Variants in PLXDC2 observed in about 807,000 individuals in gnomAD.
PLXDC2 encodes plexin domain containing 2.
Under a neutral mutation model 68.9 loss-of-function variants are expected in PLXDC2, and 40 were observed. The ratio of observed to expected loss-of-function variants is 0.58; its 90% CI spans 0.45 to 0.76. PLXDC2 has a LOEUF of 0.76. Ranked by LOEUF, PLXDC2 falls within the 30% of genes least tolerant of loss-of-function variation. The probability of loss-of-function intolerance (pLI) is 0.00; values close to 1 mark genes in which losing one functional copy is unlikely to be tolerated. For missense variants in PLXDC2, 644 were observed against 661.9 expected (o/e 0.97, Z 0.30); for synonymous variants, 243 against 234.2 (o/e 1.04, Z -0.34).
intron 9 of PLXDC2, among the ~76,000 whole-genome samples, chr10:20,197,015 TG>T (rs1834849053): frequency 6.6e-6 from 1 of 152,000 alleles, no homozygotes; most frequent in Non-Finnish European, 1.5e-5. Context: ...TACGATGCAA[TG>T]TGCTCCCAAA....
At chr10:20,059,780 T>A (rs1299062418) in intron 3 of PLXDC2, among the ~76,000 whole-genome samples, 3 of 151,590 alleles carry the variant, frequency 2.0e-5, no homozygotes, top group Non-Finnish European at 2.9e-5. Context: ...AAAATCCCTT[T>A]AAAAAAAAAT....
intron 1 of PLXDC2, among the ~76,000 whole-genome samples, chr10:19,827,892 T>A (rs946000957): frequency 5.3e-5 from 8 of 152,212 alleles, no homozygotes; most frequent in Non-Finnish European, 1.2e-4. Flanking sequence ...ACTATTTGAC[T>A]GTGACCTTTT....
chr10:20,176,324 T>C (rs1834526203), intron 7 of PLXDC2, among the ~76,000 whole-genome samples: 1 of 152,088 alleles, frequency 6.6e-6, no homozygotes. Context: ...TGATTTGATA[T>C]ATTTATACAT....
At chr10:19,900,677 T>G (rs1345717346) in intron 1 of PLXDC2, among the ~76,000 whole-genome samples, 1 of 151,958 alleles carries the variant, frequency 6.6e-6, no homozygotes, top group African/African-American at 2.4e-5. Flanking sequence ...TCTTTAGTGG[T>G]GATTTCTGAG....
At chr10:19,962,452 A>G (rs1834173128) in intron 1 of PLXDC2, among the ~76,000 whole-genome samples, 1 of 125,092 alleles carries the variant, frequency 8.0e-6, no homozygotes, top group Non-Finnish European at 1.6e-5. Context: ...GTGCAGTGGC[A>G]CGATCTCGGC....
intron 2 of PLXDC2, among the ~76,000 whole-genome samples, chr10:20,025,332 C>G (rs1028673157): frequency 6.6e-6 from 1 of 151,344 alleles, no homozygotes; most frequent in African/African-American, 2.4e-5. Flanking sequence ...GGTGCAATCT[C>G]AACTCACCGC....
Position 20,284,350 on chromosome 10 carries a change from C to A in PLXDC2, c.*4531C>A, listed in dbSNP as rs962587679. ...ATATATACACACACACACACACACA[C>A]ACAAATATACATATATATCAAATAT... On this transcript the variant is annotated 3_prime_UTR_variant, in exon 14 of 14. Coordinates refer to ENST00000377252, the MANE Select transcript of PLXDC2 (RefSeq NM_032812.9). 1.5e-5 allele frequency: 2 copies of A among 137,436 alleles called. No homozygotes were observed. Among genetic ancestry groups the A allele is most frequent in the Non-Finnish European group, 3.2e-5 (2 of 62,648 alleles). The allele number at this position is 137,436 out of a possible 1,614,324, so 8.5% of individuals were successfully genotyped here.
intron 13 of PLXDC2, among the ~76,000 whole-genome samples, chr10:20,255,177 G>T (rs1047001640): frequency 7.2e-6 from 1 of 137,978 alleles, no homozygotes; most frequent in East Asian, 2.0e-4. Flanking sequence ...GGATGGATGG[G>T]TGGATAGGTG....
At chr10:19,852,599 G>C (rs1174930848) in intron 1 of PLXDC2, among the ~76,000 whole-genome samples, 1 of 152,070 alleles carries the variant, frequency 6.6e-6, no homozygotes, top group Admixed American at 6.6e-5. Context: ...TGGTGATACT[G>C]TTCCACCTCA....
chr10:20,170,248 T>A (rs1359076250), intron 7 of PLXDC2, among the ~76,000 whole-genome samples: 1 of 152,190 alleles, frequency 6.6e-6, no homozygotes, highest in African/African-American at 2.4e-5. Context: ...TGGAGTACAG[T>A]GGGACGATCT....
At chr10:19,847,150 C>A (rs1004657620) in intron 1 of PLXDC2, among the ~76,000 whole-genome samples, 1 of 152,036 alleles carries the variant, frequency 6.6e-6, no homozygotes, top group African/African-American at 2.4e-5. Context: ...AACACTTCCC[C>A]CAAAAAAGAA....
chr10:19,885,983 T>G (rs528807971), intron 1 of PLXDC2, among the ~76,000 whole-genome samples: 3 of 152,298 alleles, frequency 2.0e-5, no homozygotes, highest in East Asian at 3.9e-4. Context: ...TTCCTACCCA[T>G]GAGCATGGAA....
chr10:19,904,989 G>A (rs1312999362), intron 1 of PLXDC2, among the ~76,000 whole-genome samples: 2 of 152,158 alleles, frequency 1.3e-5, no homozygotes, highest in Non-Finnish European at 2.9e-5. Context: ...AGCCTTTTAT[G>A]TCATTGGACA....
intron 1 of PLXDC2, among the ~76,000 whole-genome samples, chr10:19,832,862 C>A (rs76595353): frequency 2.0e-5 from 3 of 152,168 alleles, no homozygotes; most frequent in Non-Finnish European, 2.9e-5. Context: ...GCTAAAAGGA[C>A]GCTTTTGACG....
intron 1 of PLXDC2, among the ~76,000 whole-genome samples, chr10:19,881,724 T>C (rs755916592): frequency 1.1e-4 from 17 of 152,218 alleles, no homozygotes; most frequent in Admixed American, 1.0e-3. Flanking sequence ...CTAAATAAAA[T>C]TTGCTTATGT....
chr10:20,038,151 G>A (rs972585913), intron 2 of PLXDC2, among the ~76,000 whole-genome samples: 19 of 152,008 alleles, frequency 1.2e-4, no homozygotes, highest in African/African-American at 4.8e-5. Flanking sequence ...CAGGAGAATC[G>A]CTTGAACCTG....
chr10:20,260,844 C>T (rs1018488307), intron 13 of PLXDC2, among the ~76,000 whole-genome samples: 1 of 152,210 alleles, frequency 6.6e-6, no homozygotes, highest in Non-Finnish European at 1.5e-5. Flanking sequence ...TCTCCACACC[C>T]TTCCCAACAC....
chr10:20,128,709 G>T (rs1440062772), intron 4 of PLXDC2, among the ~76,000 whole-genome samples: 1 of 152,076 alleles, frequency 6.6e-6, no homozygotes, highest in African/African-American at 2.4e-5. Context: ...CTGATTCTAT[G>T]AGTCTAACTT....
At chr10:20,042,050 A>T (rs552735842) in intron 2 of PLXDC2, among the ~76,000 whole-genome samples, 1 of 152,266 alleles carries the variant, frequency 6.6e-6, no homozygotes, top group East Asian at 1.9e-4. Context: ...AATCCATAAC[A>T]TTCATCCCAG....
Sources: allele counts gnomAD v4.1 joint callset (sites outside exome capture counted in the v4.1 genomes callset), GRCh38; gene constraint gnomAD v4.1.1; transcripts MANE v1.5; gene names NCBI Gene and HGNC (gene_info 2026-07-23, HGNC 2026-07-21).